The following ITPKB variants were observed in gnomAD, a reference collection of about 807,000 sequenced individuals.
ITPKB encodes the protein IP3 3-kinase B.
A neutral mutation model predicts 69.4 loss-of-function variants in ITPKB; 13 were observed. The ratio of observed to expected loss-of-function variants is 0.19; its 90% CI spans 0.12 to 0.30. ITPKB has a LOEUF of 0.30. Ranked by LOEUF, ITPKB falls within the 10% of genes least tolerant of loss-of-function variation. The pLI, the probability that ITPKB is intolerant of heterozygous loss-of-function variation, is 1.00. For missense variants in ITPKB, 1,240 were observed against 1,250.5 expected, an observed-to-expected ratio of 0.99 and a Z score of 0.13; for synonymous variants, 584 against 513.7, an observed-to-expected ratio of 1.14 and a Z score of -1.85.
chr1:226,690,425 C>T (rs1027807335), intron 2 of ITPKB, among the ~76,000 whole-genome samples: 2 of 152,308 alleles, frequency 1.3e-5, no homozygotes, highest in South Asian at 4.1e-4. Flanking sequence ...GAGACTGGTC[C>T]TGATCTGGGG....
intron 2 of ITPKB, chr1:226,675,206 C>T (rs1020132591): frequency 6.6e-6 from 1 of 150,490 alleles, no homozygotes; most frequent in Non-Finnish European, 1.5e-5. Context: ...GTGTTTACCA[C>T]GACCCACCGG....
Position 226,736,698 on chromosome 1 carries a change from A to C in ITPKB, c.761T>G (p.Phe254Cys). The change falls in exon 2 of 8, where the codon TTT becomes TGT. Residue 254 changes from phenylalanine to cysteine, a missense_variant. Transcript: ENST00000429204. ...TGSEAQGPSAFVRMEKGIPAS... is the reference protein window; with the variant it reads ...TGSEAQGPSACVRMEKGIPAS... Reference sequence around the variant, plus strand: ...AGGGATACCCTTCTCCATCCTTACAAAAGCGGATGGACCCTGAGCCTCTGA... The same window carrying C: ...AGGGATACCCTTCTCCATCCTTACACAAGCGGATGGACCCTGAGCCTCTGA... 1 of 1,612,882 alleles carries C rather than the reference A, an allele frequency of 6.2e-7. No homozygotes were observed. The highest frequency in any genetic ancestry group is 8.5e-7 in the Non-Finnish European group (1 of 1,179,800).
intron 2 of ITPKB, among the ~76,000 whole-genome samples, chr1:226,693,555 A>C (rs1445450122): frequency 6.6e-6 from 1 of 152,248 alleles, no homozygotes; most frequent in African/African-American, 2.4e-5. Flanking sequence ...AACTGAAAAC[A>C]AAAGTTTCAC....
intron 2 of ITPKB, among the ~76,000 whole-genome samples, chr1:226,658,528 T>C (rs957101850): frequency 1.3e-5 from 2 of 152,062 alleles, no homozygotes; most frequent in African/African-American, 4.8e-5. Context: ...CAGCTAAAAA[T>C]AAAAGTCTGG....
Position 226,738,641 on chromosome 1 carries a change from A to G in ITPKB, c.-206+400T>C, listed in dbSNP as rs1437255775. On this transcript the variant is annotated intron_variant, in intron 1 of 7. Transcript: ENST00000429204. This position sits in a 1 kb window ranked among gnomAD's most constrained non-coding sequence, Gnocchi z 4.2. ...CCGGGCAGCAGCCCTAGGTGCACAG[A>G]GCCTCTAGCTCTGCAAACCTCCCAG... is the stretch of plus-strand genomic sequence containing the variant. 2.0e-5 allele frequency among the ~76,000 whole-genome samples: 3 copies of G among 152,258 alleles called. No homozygotes were observed. In the South Asian group the frequency reaches 6.2e-4, roughly 32 times the overall value.
intron 2 of ITPKB, among the ~76,000 whole-genome samples, chr1:226,726,441 C>A (rs1162201189): frequency 6.6e-6 from 1 of 152,196 alleles, no homozygotes; most frequent in South Asian, 2.1e-4. Context: ...GATTGGGAGG[C>A]CAAGGTGGAA....
At chr1:226,654,562 A>T (rs1413802108) in intron 2 of ITPKB, among the ~76,000 whole-genome samples, 1 of 152,134 alleles carries the variant, frequency 6.6e-6, no homozygotes, top group East Asian at 1.9e-4. Context: ...CATAAAACAG[A>T]CCCAGGGTTC....
intron 2 of ITPKB, among the ~76,000 whole-genome samples, chr1:226,727,470 G>A (rs1223282799): frequency 6.6e-6 from 1 of 152,216 alleles, no homozygotes; most frequent in Admixed American, 6.5e-5. Context: ...TGGGTGGATG[G>A]CCAGTCACCA....
Position 226,736,148 on chromosome 1 carries a change from C to A in ITPKB, c.1311G>T (p.Trp437Cys). 1.3e-6 allele frequency: 2 copies of A among 1,565,490 alleles called. No individual in the cohort carries two copies. The highest frequency in any genetic ancestry group is 1.2e-5 in the South Asian group (1 of 83,240). The change falls in exon 2 of 8, where the codon TGG becomes TGT. Residue 437 changes from tryptophan to cysteine, a missense_variant. Trp to Cys is a radical substitution (Grantham distance 215). Around this residue, in one of 2 missense-constraint regions of ITPKB, gnomAD observed 992 missense variants for 853.8 expected, o/e 1.16. Transcript: ENST00000429204. ...CTCCCTCCACTCTGTCGGAGAGCTG[C>A]CAACGCCCCCCGCCCACGGGGGCCC... is the stretch of plus-strand genomic sequence containing the variant. Reference protein sequence around the residue: ...RSGAPVGGGRWQLSDRVEGGS... With the variant: ...RSGAPVGGGRCQLSDRVEGGS...
chr1:226,647,089 G>T, intron 4 of ITPKB, 78 bp downstream of exon 4: 2 of 1,350,416 alleles, frequency 1.5e-6, no homozygotes, highest in Non-Finnish European at 2.1e-6. Context: ...CCTCCGGGAA[G>T]CCCTGAGTGC....
rs761753956 is a variant in ITPKB, at chr1:226,637,738, C to T, written c.2566G>A (p.Asp856Asn). Residue 856 changes from aspartate (D) to asparagine (N), a missense_variant, in exon 7 of 8, where the codon GAC (aspartate) becomes AAC (asparagine). Asp to Asn is a conservative substitution (Grantham distance 23, BLOSUM62 1). Coordinates refer to ENST00000429204, the MANE Select transcript of ITPKB (RefSeq NM_002221.4). This position sits in a 1 kb window ranked among gnomAD's most constrained non-coding sequence, Gnocchi z 4.3. ...GTGGTTCGAATGGCCTTCAGCCGGTCCCGATAGGCGATCTGGGAATAGAAA... is the reference window on the plus strand; with the variant it reads ...GTGGTTCGAATGGCCTTCAGCCGGTTCCGATAGGCGATCTGGGAATAGAAA... ...GNHNILIAYR[D>N]RLKAIRTTLE... 6.2e-7 allele frequency: 1 copy of T among 1,613,710 alleles called. No homozygotes were observed. Among genetic ancestry groups the T allele is most frequent in the East Asian group, 2.2e-5 (1 of 44,888 alleles).
chr1:226,644,479 C>T (rs1326601863), intron 4 of ITPKB, among the ~76,000 whole-genome samples: 1 of 152,156 alleles, frequency 6.6e-6, no homozygotes, highest in Non-Finnish European at 1.5e-5. Flanking sequence ...GTGCTAGGGG[C>T]GGGCTCTCAC....
chr1:226,673,287 T>C (rs982576415), intron 2 of ITPKB, among the ~76,000 whole-genome samples: 5 of 152,252 alleles, frequency 3.3e-5, no homozygotes, highest in East Asian at 1.9e-4. Flanking sequence ...GGCAGGAGGA[T>C]TGCTTGAACA....
chr1:226,697,617 T>C (rs148260584), intron 2 of ITPKB, among the ~76,000 whole-genome samples: 2 of 152,346 alleles, frequency 1.3e-5, no homozygotes, highest in African/African-American at 2.4e-5. Flanking sequence ...ATAGGCGAAC[T>C]GGGCTTGATG....
At chr1:226,718,113 G>A (rs1260562483) in intron 2 of ITPKB, among the ~76,000 whole-genome samples, 1 of 151,832 alleles carries the variant, frequency 6.6e-6, no homozygotes, top group African/African-American at 2.4e-5. Context: ...GGCCAACATA[G>A]TGAAACCTCG....
intron 2 of ITPKB, among the ~76,000 whole-genome samples, chr1:226,734,171 T>C (rs1246000640): frequency 6.6e-6 from 1 of 152,234 alleles, no homozygotes; most frequent in Non-Finnish European, 1.5e-5. Flanking sequence ...GTGGTGCGCC[T>C]ATGCCTGACA....
At chr1:226,710,614 C>T (rs551158850) in intron 2 of ITPKB, among the ~76,000 whole-genome samples, 1 of 152,358 alleles carries the variant, frequency 6.6e-6, no homozygotes, top group African/African-American at 2.4e-5. Context: ...CCCCTCTTCC[C>T]ACACACCTGC....
chr1:226,637,533 G>A lies in ITPKB; in HGVS notation c.2625+146C>T, dbSNP rs142044780. ...GGAAGCATTGAGACGCAGCTCCCCC[G>A]TGCAGCGAGGGTCTGGTCCCTGATG... is the stretch of plus-strand genomic sequence containing the variant. On this transcript the variant is annotated intron_variant, in intron 7 of 7. Transcript: ENST00000429204. The surrounding 1 kb of genome is among the most constrained non-coding windows in gnomAD (Gnocchi z 4.3). 9.1e-4 allele frequency: 599 copies of A among 657,804 alleles called. 2 individuals are homozygous for A. Among genetic ancestry groups the A allele is most frequent in the South Asian group, 1.3e-3 (76 of 56,694 alleles). The allele number at this position is 657,804 out of a possible 1,614,324, so 40.7% of individuals were successfully genotyped here.
rs1265928019 is a variant in ITPKB, at chr1:226,738,140, C to A, written c.-205-477G>T. ...TCAGGGTCTCCCTGCTCCACCCTCT[C>A]GGGGCATCAGAGACCGACCGGCTCG... On this transcript the variant is annotated intron_variant, in intron 1 of 7. Coordinates refer to ENST00000429204, the MANE Select transcript of ITPKB (RefSeq NM_002221.4). This position sits in a 1 kb window ranked among gnomAD's most constrained non-coding sequence, Gnocchi z 4.2. Among the ~76,000 whole-genome samples, 1 of 152,142 alleles carries A rather than the reference C, an allele frequency of 6.6e-6. No homozygotes were observed. Among genetic ancestry groups the A allele is most frequent in the Non-Finnish European group, 1.5e-5 (1 of 68,016 alleles).
Sources: allele counts gnomAD v4.1 joint callset (sites outside exome capture counted in the v4.1 genomes callset), GRCh38; gene constraint gnomAD v4.1.1; regional missense constraint gnomAD v4.1.1; non-coding constraint Gnocchi (gnomAD v3.1); transcripts MANE v1.5; gene names NCBI Gene and HGNC (gene_info 2026-07-23, HGNC 2026-07-21).